The following DLGAP2 variants were observed in gnomAD, a reference collection of about 807,000 sequenced individuals.
DLGAP2 encodes disks large-associated protein 2.
In DLGAP2, 26 loss-of-function variants were observed where a neutral mutation model predicts 100.3. The observed-to-expected ratio is 0.26, with a 90% CI of 0.19 to 0.36. The LOEUF (loss-of-function observed/expected upper bound fraction) is 0.36. DLGAP2 is among the 10% of genes least tolerant of loss of function. The pLI is 1.00. For missense variants in DLGAP2, 1,858 were observed against 1,453.2 expected (o/e 1.28, Z -4.53); for synonymous variants, 886 against 630.1 (o/e 1.41, Z -6.08).
At chr8:1,544,826 G>A (rs565845910) in intron 4 of DLGAP2, among the ~76,000 whole-genome samples, 2 of 151,424 alleles carry the variant, frequency 1.3e-5, no homozygotes, top group African/African-American at 4.9e-5. Flanking sequence ...TCTGCCTCCC[G>A]GGTTCAAGCG....
intron 3 of DLGAP2, among the ~76,000 whole-genome samples, chr8:1,421,012 A>G (rs1455648556): frequency 4.6e-5 from 7 of 152,174 alleles, no homozygotes; most frequent in Non-Finnish European, 1.0e-4. Context: ...AGCTCCTCTC[A>G]GGAGGATGCA....
At chr8:1,110,997 G>A (rs911837293) in intron 2 of DLGAP2, among the ~76,000 whole-genome samples, 1 of 152,042 alleles carries the variant, frequency 6.6e-6, no homozygotes, top group Non-Finnish European at 1.5e-5. Context: ...GGTCACACGT[G>A]GGTTTGAGCA....
chr8:1,024,320 C>T (rs891289087), intron 2 of DLGAP2, among the ~76,000 whole-genome samples: 1 of 144,748 alleles, frequency 6.9e-6, no homozygotes, highest in African/African-American at 2.6e-5. Context: ...GCAGACACCC[C>T]AGCCACCACC....
chr8:1,185,728 C>G (rs1797486810), intron 2 of DLGAP2, among the ~76,000 whole-genome samples: 1 of 41,446 alleles, frequency 2.4e-5, no homozygotes, highest in Non-Finnish European at 4.8e-5. Flanking sequence ...CACACACACT[C>G]ACACTCACAC....
chr8:851,941 A>G (rs1041171665), intron 1 of DLGAP2, among the ~76,000 whole-genome samples: 1 of 152,132 alleles, frequency 6.6e-6, no homozygotes, highest in African/African-American at 2.4e-5. Flanking sequence ...TAGCGAGGAC[A>G]CTGGTCTTGG....
At chr8:1,341,590 A>G (rs1442496898) in intron 3 of DLGAP2, among the ~76,000 whole-genome samples, 2 of 152,204 alleles carry the variant, frequency 1.3e-5, no homozygotes, top group Non-Finnish European at 2.9e-5. Flanking sequence ...GACCCCGTAC[A>G]AAAGTTAGTT....
At chr8:1,181,735 C>G (rs925418738) in intron 2 of DLGAP2, among the ~76,000 whole-genome samples, 2 of 152,134 alleles carry the variant, frequency 1.3e-5, no homozygotes, top group Admixed American at 6.5e-5. Flanking sequence ...ATTTGCAATA[C>G]TGAAGCAAAA....
chr8:926,166 G>A (rs891631525), intron 2 of DLGAP2, among the ~76,000 whole-genome samples: 4 of 152,126 alleles, frequency 2.6e-5, no homozygotes, highest in South Asian at 2.1e-4. Context: ...GCCTGTGGTC[G>A]TGCCTGTACA....
At chr8:826,145 A>G (rs1487851896) in intron 1 of DLGAP2, among the ~76,000 whole-genome samples, 1 of 152,204 alleles carries the variant, frequency 6.6e-6, no homozygotes, top group Non-Finnish European at 1.5e-5. Context: ...ATTGTTGCAA[A>G]TGACAGGATC....
chr8:994,813 A>G (rs1161596338), intron 2 of DLGAP2, among the ~76,000 whole-genome samples: 1 of 152,182 alleles, frequency 6.6e-6, no homozygotes, highest in Non-Finnish European at 1.5e-5. Flanking sequence ...CAAGTTCCAT[A>G]TCACAGCAGA....
chr8:1,391,744 A>G (rs1037710653), intron 3 of DLGAP2, among the ~76,000 whole-genome samples: 4 of 152,196 alleles, frequency 2.6e-5, no homozygotes, highest in African/African-American at 9.7e-5. Context: ...TTTGGTGCAA[A>G]TAATTTATTT....
intron 2 of DLGAP2, among the ~76,000 whole-genome samples, chr8:1,071,997 G>C (rs1432557330): frequency 2.6e-5 from 4 of 152,154 alleles, no homozygotes; most frequent in African/African-American, 4.8e-5. Flanking sequence ...ACATTGGCCG[G>C]CCAGCGCTGC....
At chr8:1,046,938 T>C (rs1291568352) in intron 2 of DLGAP2, among the ~76,000 whole-genome samples, 1 of 135,960 alleles carries the variant, frequency 7.4e-6, no homozygotes, top group Non-Finnish European at 1.6e-5. Context: ...GCATCCTTTT[T>C]TTGTTGTTTT....
intron 3 of DLGAP2, among the ~76,000 whole-genome samples, chr8:1,287,959 GTTGT>G (rs1389365795): frequency 3.1e-4 from 18 of 58,430 alleles, no homozygotes; most frequent in South Asian, 1.4e-3. Context: ...TGTGTGTGTG[GTTGT>G]TAGGGGAACT....
intron 2 of DLGAP2, among the ~76,000 whole-genome samples, chr8:1,088,941 A>G (rs184579537): frequency 0.052 from 4,860 of 92,840 alleles, 656 homozygotes; most frequent in East Asian, 0.2. Flanking sequence ...AGGCTATGCC[A>G]TTCTCGCTCC....
chr8:1,503,080 G>T (rs562132974), intron 4 of DLGAP2, among the ~76,000 whole-genome samples: 4 of 152,162 alleles, frequency 2.6e-5, no homozygotes, highest in Admixed American at 1.3e-4. Context: ...GGATGAGGCT[G>T]GGGGGCGAAG....
At chr8:880,643 T>G (rs943636215) in intron 1 of DLGAP2, among the ~76,000 whole-genome samples, 2 of 147,454 alleles carry the variant, frequency 1.4e-5, no homozygotes, top group African/African-American at 5.1e-5. Context: ...CGACATGGCA[T>G]CCGTGCTGGG....
chr8:1,195,097 A>T (rs1797723079), intron 2 of DLGAP2, among the ~76,000 whole-genome samples: 1 of 152,260 alleles, frequency 6.6e-6, no homozygotes, highest in South Asian at 2.1e-4. Flanking sequence ...GGCCCCCGGC[A>T]TCCTCATGGC....
At chr8:741,827 G>T (rs781188577) in intron 1 of DLGAP2, among the ~76,000 whole-genome samples, 1 of 152,220 alleles carries the variant, frequency 6.6e-6, no homozygotes, top group Non-Finnish European at 1.5e-5. Context: ...GCAATTGGAT[G>T]AGTGAAGAGC....
Sources: allele counts gnomAD v4.1 joint callset (sites outside exome capture counted in the v4.1 genomes callset), GRCh38; gene constraint gnomAD v4.1.1; transcripts MANE v1.5; gene names NCBI Gene and HGNC (gene_info 2026-07-23, HGNC 2026-07-21).